Variants in AFF3 observed in about 807,000 individuals in gnomAD.
The protein encoded by AFF3 is ALF transcription elongation factor 3, also known as AF4/FMR2 family member 3.
In AFF3, 32 loss-of-function variants were observed where a neutral mutation model predicts 129.7. The observed-to-expected ratio is 0.25, with a 90% CI of 0.19 to 0.33. The LOEUF (loss-of-function observed/expected upper bound fraction) is 0.33, where lower values mean the gene tolerates loss of function less well. Ranked by LOEUF, AFF3 falls within the 10% of genes least tolerant of loss-of-function variation. AFF3 has a pLI of 1.00. For synonymous variants in AFF3, 644 were observed against 635.4 expected (o/e 1.01, Z -0.20); for missense variants, 1,373 against 1,592.0 (o/e 0.86, Z 2.34).
chr2:99,647,601 C>G (rs1159345818), intron 13 of AFF3, among the ~76,000 whole-genome samples: 1 of 151,964 alleles, frequency 6.6e-6, no homozygotes, highest in African/African-American at 2.4e-5. Context: ...ACCCATGTAA[C>G]AAACCTGCAT....
At chr2:100,130,953 A>G (rs187766964) in intron 1 of AFF3, among the ~76,000 whole-genome samples, 1 of 152,338 alleles carries the variant, frequency 6.6e-6, no homozygotes, top group East Asian at 1.9e-4. Context: ...CCAGACAACA[A>G]TAAAGATTGA....
chr2:99,905,789 T>G (rs1226606367), intron 7 of AFF3, among the ~76,000 whole-genome samples: 1 of 152,192 alleles, frequency 6.6e-6, no homozygotes, highest in African/African-American at 2.4e-5. Context: ...AAGAGTCCTG[T>G]CATTAGGAAT....
chr2:100,055,973 G>T (rs1276998955), intron 4 of AFF3, among the ~76,000 whole-genome samples: 1 of 150,662 alleles, frequency 6.6e-6, no homozygotes, highest in Non-Finnish European at 1.5e-5. Flanking sequence ...GGAGATCAAG[G>T]TTACAATGAG....
At chr2:100,108,826 T>A (rs984303652) in intron 2 of AFF3, among the ~76,000 whole-genome samples, 1 of 151,642 alleles carries the variant, frequency 6.6e-6, no homozygotes, top group Non-Finnish European at 1.5e-5. Context: ...ATTTATTGAA[T>A]GTAAGTAGTT....
intron 11 of AFF3, among the ~76,000 whole-genome samples, chr2:99,719,236 G>C (rs1046486396): frequency 2.6e-5 from 4 of 151,384 alleles, no homozygotes; most frequent in Admixed American, 6.6e-5. Context: ...TATTCATATA[G>C]TGGAATACAT....
intron 1 of AFF3, among the ~76,000 whole-genome samples, chr2:100,136,883 C>A (rs185706975): frequency 6.6e-6 from 1 of 152,058 alleles, no homozygotes; most frequent in South Asian, 2.1e-4. Flanking sequence ...TGTTTTACAT[C>A]GCTAAGTAGA....
chr2:99,846,871 G>A lies in AFF3; in HGVS notation c.874-9347C>T, dbSNP rs751370662. ...TCCATTATCATCTGACCTTCCCCAC[G>A]GGGTCTCAGCTCTTCCTGACCCTCA... On this transcript the variant is annotated intron_variant, in intron 7 of 24. Transcript: ENST00000672756. Among the ~76,000 whole-genome samples, 8 of 152,120 alleles carry A rather than the reference G, an allele frequency of 5.3e-5. No individual in the cohort carries two copies. The South Asian group carries it at 6.2e-4, about 12-fold the overall frequency.
At chr2:99,832,077 G>C (rs1688551470) in intron 8 of AFF3, among the ~76,000 whole-genome samples, 1 of 152,188 alleles carries the variant, frequency 6.6e-6, no homozygotes, top group South Asian at 2.1e-4. Context: ...GTATCTCCAA[G>C]AAACTATGAA....
intron 4 of AFF3, among the ~76,000 whole-genome samples, chr2:100,096,166 G>A (rs1274264970): frequency 6.6e-6 from 1 of 151,886 alleles, no homozygotes; most frequent in Non-Finnish European, 1.5e-5. Context: ...GCATCCACAG[G>A]GGTTACTGAG....
chr2:99,631,812 A>G (rs1683143337), intron 13 of AFF3, among the ~76,000 whole-genome samples: 1 of 152,154 alleles, frequency 6.6e-6, no homozygotes, highest in Non-Finnish European at 1.5e-5. Context: ...TGCTGTGGAC[A>G]GGGTGTCCAG....
chr2:99,895,858 CA>C (rs1693897552), intron 7 of AFF3, among the ~76,000 whole-genome samples: 1 of 152,088 alleles, frequency 6.6e-6, no homozygotes, highest in Non-Finnish European at 1.5e-5. Context: ...CACCTGAGGT[CA>C]GGAGTTCGAG....
At chr2:100,037,721 A>T (rs1344309483) in intron 4 of AFF3, among the ~76,000 whole-genome samples, 1 of 128,068 alleles carries the variant, frequency 7.8e-6, no homozygotes, top group Admixed American at 9.7e-5. Context: ...TATATATTAT[A>T]TATATTTATA....
chr2:99,974,076 A>G (rs1212832197), intron 7 of AFF3, among the ~76,000 whole-genome samples: 2 of 152,244 alleles, frequency 1.3e-5, no homozygotes, highest in Admixed American at 1.3e-4. Flanking sequence ...TTGAATATGT[A>G]CAAATTATGT....
At chr2:99,940,299 C>T (rs981299940) in intron 7 of AFF3, among the ~76,000 whole-genome samples, 2 of 152,188 alleles carry the variant, frequency 1.3e-5, no homozygotes, top group Non-Finnish European at 2.9e-5. Flanking sequence ...TTTATCCTCA[C>T]AGTGTCAGAG....
At chr2:99,569,000 A>G in intron 18 of AFF3, 85 bp from the exon 19 acceptor site, 1 of 1,342,618 alleles carries the variant, frequency 7.4e-7, no homozygotes, top group Non-Finnish European at 1.1e-6. Context: ...CTCAAACTTA[A>G]GGCACAATTT....
rs367912509 is a variant in AFF3, at chr2:99,693,038, T to C, written c.1092-20449A>G. ...CTGCAGTCACCAATCCATACTCCCATATGCATTTTGTTATTTCCAGGGCAT... is the reference window on the plus strand; with the variant it reads ...CTGCAGTCACCAATCCATACTCCCACATGCATTTTGTTATTTCCAGGGCAT... On this transcript the variant is annotated intron_variant, in intron 11 of 24. Transcript: ENST00000672756. 7.2e-5 allele frequency among the ~76,000 whole-genome samples: 11 copies of C among 152,340 alleles called. No individual in the cohort carries two copies. In the South Asian group the frequency reaches 1.9e-3, roughly 26 times the overall value.
At chr2:99,835,198 A>C (rs2105780405) in intron 8 of AFF3, among the ~76,000 whole-genome samples, 1 of 152,228 alleles carries the variant, frequency 6.6e-6, no homozygotes, top group African/African-American at 2.4e-5. Flanking sequence ...TAGCAGCCAG[A>C]GTGGTGCATT....
At chr2:99,810,642 G>A (rs1345033434) in intron 8 of AFF3, among the ~76,000 whole-genome samples, 2 of 128,918 alleles carry the variant, frequency 1.6e-5, no homozygotes, top group East Asian at 1.9e-4. Flanking sequence ...AAGTGTGTGA[G>A]TGTGTGTGTG....
rs776241053 is a variant in AFF3 at position 99,554,386 on chromosome 2, C to T, written c.3484G>A (p.Val1162Ile). The T allele has an allele frequency of 6.2e-6, 10 of 1,614,058 alleles. No homozygotes were observed. The South Asian group carries it at 6.6e-5, about 11-fold the overall frequency. Residue 1162 changes from valine (V) to isoleucine (I), a missense_variant, in exon 24 of 25, where the codon GTC (valine) becomes ATC (isoleucine). Around this residue, in one of 9 missense-constraint regions of AFF3, gnomAD observed 165 missense variants for 234.0 expected, o/e 0.71. Coordinates refer to ENST00000672756, the MANE Select transcript of AFF3 (RefSeq NM_001386135.1). Reference sequence around the variant, plus strand: ...TGCAGGATGCTGTTGGTGATGCTGACGTGGTTGGCCGCCATCTGGTGGATG... The same window carrying T: ...TGCAGGATGCTGTTGGTGATGCTGATGTGGTTGGCCGCCATCTGGTGGATG... ...QRIHQMAANH[V>I]SITNSILHSY...
Sources: allele counts gnomAD v4.1 joint callset (sites outside exome capture counted in the v4.1 genomes callset), GRCh38; gene constraint gnomAD v4.1.1; regional missense constraint gnomAD v4.1.1; transcripts MANE v1.5; gene names NCBI Gene and HGNC (gene_info 2026-07-23, HGNC 2026-07-21).